The following ALG9 variants were observed in gnomAD, a reference collection of about 807,000 sequenced individuals.
ALG9 encodes the protein alpha-1,2-mannosyltransferase ALG9.
In ALG9, 55 loss-of-function variants were observed where a neutral mutation model predicts 81.8. That is an observed-to-expected ratio of 0.67 (90% CI 0.54 to 0.84). ALG9 has a LOEUF of 0.84. Ranked by LOEUF, ALG9 falls within the 40% of genes least tolerant of loss-of-function variation. The probability of loss-of-function intolerance (pLI) is 0.00; values close to 1 mark genes in which losing one functional copy is unlikely to be tolerated. For synonymous variants in ALG9, 278 were observed against 274.3 expected (o/e 1.01, Z -0.13); for missense variants, 629 against 745.0 (o/e 0.84, Z 1.81).
In ALG9 at chr11:111,866,377, T is replaced by C. The variant is rs529834920; in HGVS notation, c.406-1126A>G. Among the ~76,000 whole-genome samples the C allele has an allele frequency of 5.9e-5, 9 of 152,204 alleles. No homozygotes were observed. The East Asian group carries it at 1.4e-3, about 23-fold the overall frequency. ...TCAGAGAAATTCACGAACAGGTCCA[T>C]GAAGAGATAATACAAAGGTGCTTTC... On this transcript the variant is annotated intron_variant, in intron 3 of 14. Transcript: ENST00000616540.
intron 9 of ALG9, among the ~76,000 whole-genome samples, chr11:111,844,054 G>A (rs1242192676): frequency 3.3e-5 from 5 of 151,744 alleles, no homozygotes; most frequent in African/African-American, 9.7e-5. Flanking sequence ...CTCAGCTGGA[G>A]TGCAGCGGCG....
chr11:111,827,731 G>A (rs1172804115), intron 13 of ALG9, among the ~76,000 whole-genome samples: 5 of 151,480 alleles, frequency 3.3e-5, no homozygotes, highest in Non-Finnish European at 7.4e-5. Flanking sequence ...AGCCAGGCAT[G>A]GTGGCACACA....
intron 7 of ALG9, 72 bp from the exon 8 acceptor site, chr11:111,853,557 A>G: frequency 6.4e-7 from 1 of 1,568,570 alleles, no homozygotes; most frequent in Non-Finnish European, 8.8e-7. Context: ...CCTGAGAATG[A>G]AAAACAGAAT....
intron 1 of ALG9, chr11:111,870,712 T>G: frequency 9.7e-7 from 1 of 1,034,674 alleles, no homozygotes; most frequent in Non-Finnish European, 1.2e-6. Flanking sequence ...ATAAATTAAC[T>G]CATACACTTT....
chr11:111,853,026 C>T (rs1157007048), intron 8 of ALG9, among the ~76,000 whole-genome samples: 1 of 150,518 alleles, frequency 6.6e-6, no homozygotes, highest in Non-Finnish European at 1.5e-5. Flanking sequence ...GCTTTCATTT[C>T]CTTCTCCTAT....
In ALG9 at chr11:111,844,509, A is replaced by G. The variant is rs534658211; in HGVS notation, c.1018+92T>C. On this transcript the variant is annotated intron_variant, in intron 9 of 14. Transcript: ENST00000616540. ...CCATTTCCATAGGAAGAATGTGGAA[A>G]ATAAAGTAAGTAGGATTTTCCTTCA... 4 of 1,575,312 alleles carry G rather than the reference A, an allele frequency of 2.5e-6. No individual in the cohort carries two copies. In the South Asian group the frequency reaches 4.5e-5, roughly 18 times the overall value.
chr11:111,786,486 A>G lies in ALG9; in HGVS notation c.1768T>C (p.Phe590Leu), dbSNP rs782330121. The change falls in exon 15 of 15, where the codon TTC becomes CTC. Residue 590 changes from phenylalanine to leucine, a missense_variant. Phe to Leu is a conservative substitution (Grantham distance 22, BLOSUM62 0). This residue lies in a region of ALG9 where 264 missense variants were observed against 302.2 expected (regional missense o/e 0.87). Coordinates refer to ENST00000616540, the MANE Select transcript of ALG9 (RefSeq NM_024740.2). ...TACACTGTATACTGATCTGACAGGA[A>G]GGGGACATAGAATGCCCGCAGCAGC... is the stretch of plus-strand genomic sequence containing the variant. ...SKLLRAFYVP[F>L]LSDQYTVYVN... The G allele has an allele frequency of 5.9e-5, 96 of 1,614,014 alleles. No individual in the cohort carries two copies. Among genetic ancestry groups the G allele is most frequent in the Non-Finnish European group, 7.5e-5 (89 of 1,179,998 alleles).
At chr11:111,847,167 G>A (rs906723150) in intron 8 of ALG9, among the ~76,000 whole-genome samples, 5 of 151,884 alleles carry the variant, frequency 3.3e-5, no homozygotes, top group African/African-American at 7.3e-5. Context: ...CACCGAGAGG[G>A]AAAAGCCACT....
At chr11:111,819,081 G>C (rs1053473769) in intron 13 of ALG9, among the ~76,000 whole-genome samples, 7 of 152,212 alleles carry the variant, frequency 4.6e-5, no homozygotes, top group Non-Finnish European at 8.8e-5. Flanking sequence ...AAACACTATG[G>C]GGATCTGAAG....
chr11:111,822,705 C>T (rs1424324377), intron 13 of ALG9, among the ~76,000 whole-genome samples: 3 of 151,632 alleles, frequency 2.0e-5, no homozygotes, highest in African/African-American at 4.8e-5. Context: ...AATGCAACAC[C>T]GTCTCAAAAA....
chr11:111,825,742 T>C (rs1555107709), intron 13 of ALG9, among the ~76,000 whole-genome samples: 2 of 152,098 alleles, frequency 1.3e-5, no homozygotes, highest in East Asian at 1.9e-4. Flanking sequence ...AATTCACCTT[T>C]AGGTTTATCA....
intron 5 of ALG9, among the ~76,000 whole-genome samples, chr11:111,859,080 C>A (rs1490558423): frequency 6.6e-6 from 1 of 152,056 alleles, no homozygotes; most frequent in African/African-American, 2.4e-5. Context: ...GTGATGCATG[C>A]CTATAGTCCT....
At chr11:111,865,136 T>C (rs141210788) in intron 4 of ALG9, 45 bp downstream of exon 4, 2 of 1,403,590 alleles carry the variant, frequency 1.4e-6, no homozygotes, top group East Asian at 2.5e-5. Context: ...TATGCAATAA[T>C]GGGTTTCCTC....
intron 14 of ALG9, among the ~76,000 whole-genome samples, chr11:111,793,813 C>T (rs1947837258): frequency 1.3e-5 from 2 of 151,734 alleles, no homozygotes; most frequent in African/African-American, 2.4e-5. Flanking sequence ...TGACATGTGC[C>T]TGCACACATT....
At position 111,868,632 on chromosome 11, in the gene ALG9, T is replaced by G. The variant is rs782009385; in HGVS notation, c.375A>C (p.Ala125=). 6.2e-7 allele frequency: 1 copy of G among 1,613,908 alleles called. No homozygotes were observed. The highest frequency in any genetic ancestry group is 8.5e-7 in the Non-Finnish European group (1 of 1,179,900). ...TAGTTTGTAGAATTCTTGCATGAAATGCAGCTGGCCAGGCATGAAGCAACA... is the reference window on the plus strand; with the variant it reads ...TAGTTTGTAGAATTCTTGCATGAAAGGCAGCTGGCCAGGCATGAAGCAACA... ...AYLLLHAWPA[A]FHARILQTNK... Residue 125 remains alanine, a synonymous_variant, in exon 3 of 15, where the codon GCA becomes GCC. Coordinates refer to ENST00000616540, the MANE Select transcript of ALG9 (RefSeq NM_024740.2).
chr11:111,819,734 T>C (rs1219735048), intron 13 of ALG9, among the ~76,000 whole-genome samples: 2 of 152,252 alleles, frequency 1.3e-5, no homozygotes, highest in African/African-American at 2.4e-5. Flanking sequence ...CAAATCCCTC[T>C]GTGAGCAACT....
chr11:111,859,419 T>A (rs1422964488), intron 5 of ALG9, among the ~76,000 whole-genome samples: 1 of 151,768 alleles, frequency 6.6e-6, no homozygotes, highest in Non-Finnish European at 1.5e-5. Context: ...AGAGAATCGC[T>A]TGAACCTTGG....
chr11:111,835,753 T>A (rs1555116860), intron 13 of ALG9, among the ~76,000 whole-genome samples: 4 of 152,152 alleles, frequency 2.6e-5, no homozygotes, highest in Non-Finnish European at 5.9e-5. Context: ...TCCTAAAAAA[T>A]ATCCGGTTTT....
In ALG9 at chr11:111,871,449, C is replaced by G. The variant is rs1555159036; in HGVS notation, c.34G>C (p.Gly12Arg). The change falls in exon 1 of 15, where the codon GGC becomes CGC. Residue 12 changes from glycine (G) to arginine (R), a missense_variant. This residue lies in a region of ALG9 where 344 missense variants were observed against 390.5 expected (regional missense o/e 0.88). Coordinates refer to ENST00000616540, the MANE Select transcript of ALG9 (RefSeq NM_024740.2). ...GTATCCCCACTGCTGGCCCCGCTGC[C>G]CTTCAGGCGCTGCCGAGCCCCTCGA... ...ASRGARQRLK[G>R]SGASSGDTAP... The G allele has an allele frequency of 6.5e-7, 1 of 1,536,660 alleles. No homozygotes were observed. Among genetic ancestry groups the G allele is most frequent in the South Asian group, 1.2e-5 (1 of 84,024 alleles).
Sources: allele counts gnomAD v4.1 joint callset (sites outside exome capture counted in the v4.1 genomes callset), GRCh38; gene constraint gnomAD v4.1.1; regional missense constraint gnomAD v4.1.1; transcripts MANE v1.5; gene names NCBI Gene and HGNC (gene_info 2026-07-23, HGNC 2026-07-21).